KIAA1217: variants seen among roughly 807,000 people sequenced by gnomAD.
KIAA1217 encodes the protein KIAA1217.
In KIAA1217, 88 loss-of-function variants were observed where a neutral mutation model predicts 163.9. The observed-to-expected ratio is 0.54, with a 90% CI of 0.45 to 0.64. The LOEUF (loss-of-function observed/expected upper bound fraction) is 0.64. Ranked by LOEUF, KIAA1217 falls within the 30% of genes least tolerant of loss-of-function variation. The pLI is 0.00. For synonymous variants in KIAA1217, 903 were observed against 923.1 expected, an observed-to-expected ratio of 0.98 and a Z score of 0.39; for missense variants, 2,372 against 2,475.0, an observed-to-expected ratio of 0.96 and a Z score of 0.88.
intron 2 of KIAA1217, among the ~76,000 whole-genome samples, chr10:24,162,885 C>A (rs548256024): frequency 6.6e-6 from 1 of 152,270 alleles, no homozygotes; most frequent in South Asian, 2.1e-4. Context: ...GCTATGTGGG[C>A]CTTTCCAAAG....
intron 1 of KIAA1217, among the ~76,000 whole-genome samples, chr10:23,731,252 T>G (rs553543969): frequency 1.3e-5 from 2 of 152,100 alleles, no homozygotes; most frequent in African/African-American, 4.8e-5. Flanking sequence ...ATATACATAC[T>G]CAATAAGCCA....
At chr10:24,296,475 G>A (rs1300205783) in intron 2 of KIAA1217, among the ~76,000 whole-genome samples, 2 of 152,136 alleles carry the variant, frequency 1.3e-5, no homozygotes, top group Non-Finnish European at 2.9e-5. Flanking sequence ...TTCTGGCTTT[G>A]TACATTGCAC....
intron 2 of KIAA1217, among the ~76,000 whole-genome samples, chr10:24,193,824 A>ACC (rs1015738137): frequency 2.6e-5 from 4 of 151,130 alleles, no homozygotes; most frequent in Non-Finnish European, 5.9e-5. Flanking sequence ...ACACACACAC[A>ACC]CACACACACA....
chr10:23,704,281 A>T (rs1044303296), intron 1 of KIAA1217, among the ~76,000 whole-genome samples: 2 of 145,316 alleles, frequency 1.4e-5, no homozygotes, highest in South Asian at 2.2e-4. Flanking sequence ...TTCTTTTTTA[A>T]AAAACAGCTT....
chr10:23,880,728 C>G (rs1384437186), intron 1 of KIAA1217, among the ~76,000 whole-genome samples: 1 of 151,892 alleles, frequency 6.6e-6, no homozygotes, highest in Non-Finnish European at 1.5e-5. Flanking sequence ...AATATATACT[C>G]TTACCATGTA....
rs139229716 is a variant in KIAA1217 at position 24,380,884 on chromosome 10, C to T, written c.370C>T (p.Leu124=). The part of the protein sequence containing the change: ...RLRDQTRSPK[L]SHSPQPPSLG... ...CCTTTTGCAGACAAGGAGCCCCAAA[C>T]TGTCTCACAGTCCTCAACCACCCAG... The change falls in exon 3 of 21, where the codon CTG becomes TTG. Residue 124 remains leucine (L), a synonymous_variant. Transcript: ENST00000376454. The T allele has an allele frequency of 3.2e-6, 5 of 1,538,588 alleles. No individual in the cohort carries two copies. The highest frequency in any genetic ancestry group is 4.4e-6 in the Non-Finnish European group (5 of 1,140,676).
chr10:24,212,966 C>A (rs1218112492), intron 1 of KIAA1217, among the ~76,000 whole-genome samples: 1 of 152,122 alleles, frequency 6.6e-6, no homozygotes, highest in Non-Finnish European at 1.5e-5. Flanking sequence ...GATAAGGATC[C>A]CTAGGGTGAT....
intron 2 of KIAA1217, among the ~76,000 whole-genome samples, chr10:24,361,982 C>CAAAAAAAAAAAAAAAAAAAAAAAA (rs68117028): frequency 9.9e-6 from 1 of 100,572 alleles, no homozygotes; most frequent in African/African-American, 3.8e-5. Flanking sequence ...GACTCTGTCT[C>CAAAAAAAAAAAAAAAAAAAAAAAA]AAAAAAAAAA....
intron 1 of KIAA1217, among the ~76,000 whole-genome samples, chr10:23,922,791 G>T (rs1288069622): frequency 1.3e-5 from 2 of 152,110 alleles, no homozygotes; most frequent in African/African-American, 2.4e-5. Flanking sequence ...AGAAAATGTT[G>T]CTAAGGAACA....
intron 1 of KIAA1217, among the ~76,000 whole-genome samples, chr10:23,779,610 T>G (rs1052010908): frequency 6.6e-6 from 1 of 152,220 alleles, no homozygotes; most frequent in Non-Finnish European, 1.5e-5. Context: ...TACCCTGTCC[T>G]TTAAATGCTC....
At chr10:24,399,598 T>C (rs886733148) in intron 3 of KIAA1217, among the ~76,000 whole-genome samples, 1 of 152,230 alleles carries the variant, frequency 6.6e-6, no homozygotes, top group African/African-American at 2.4e-5. Flanking sequence ...GTTGCACTGT[T>C]CTTTTCAATT....
At chr10:24,000,038 C>A (rs1367501698) in intron 1 of KIAA1217, among the ~76,000 whole-genome samples, 1 of 152,142 alleles carries the variant, frequency 6.6e-6, no homozygotes, top group African/African-American at 2.4e-5. Context: ...TGCAGTCCAG[C>A]CTGGGTGATA....
intron 1 of KIAA1217, among the ~76,000 whole-genome samples, chr10:23,938,610 T>A (rs1413079013): frequency 6.6e-6 from 1 of 152,098 alleles, no homozygotes. Context: ...GCATAACAAC[T>A]ATTTACAGGG....
In KIAA1217 at chr10:23,759,476, G is replaced by A. The variant is rs116551888; in HGVS notation, c.-321+64242G>A. ...TAGAAGTGGAAAAGTGGGCATCCTT[G>A]CCTTGTTCCTGATCTTAGAGGAAAA... On this transcript the variant is annotated intron_variant, in intron 1 of 18. Transcript: ENST00000376462. Among the ~76,000 whole-genome samples, 455 of 152,266 alleles carry A rather than the reference G, an allele frequency of 3.0e-3. 2 individuals are homozygous for A. Among genetic ancestry groups the A allele is most frequent in the African/African-American group, 0.011 (444 of 41,552 alleles).
Position 24,458,971 on chromosome 10 carries a change from G to A in KIAA1217, c.847-14257G>A, listed in dbSNP as rs114805043. On this transcript the variant is annotated intron_variant, in intron 5 of 20. Coordinates refer to ENST00000376454, the MANE Select transcript of KIAA1217 (RefSeq NM_019590.5). ...GAGTATTCCCTGAACCAGCAGGTCA[G>A]TATCACCTGGGGACTTGTTAGAAAT... Among the ~76,000 whole-genome samples the A allele has an allele frequency of 5.2e-3, 792 of 152,252 alleles. 10 individuals are homozygous for A. Among genetic ancestry groups the A allele is most frequent in the African/African-American group, 0.018 (763 of 41,552 alleles).
intron 3 of KIAA1217, among the ~76,000 whole-genome samples, chr10:24,405,148 T>C (rs930906534): frequency 1.3e-5 from 2 of 152,162 alleles, no homozygotes; most frequent in African/African-American, 4.8e-5. Flanking sequence ...AATACATGTG[T>C]ATGTGTATCA....
chr10:24,077,575 C>G (rs531038422), intron 2 of KIAA1217, among the ~76,000 whole-genome samples: 2 of 152,316 alleles, frequency 1.3e-5, no homozygotes, highest in Admixed American at 6.5e-5. Context: ...TTTATCCAGT[C>G]TACCATTGGT....
At chr10:24,348,358 T>TAAAATGTAAC (rs56385555) in intron 2 of KIAA1217, among the ~76,000 whole-genome samples, 45 of 151,796 alleles carry the variant, frequency 3.0e-4, no homozygotes, top group African/African-American at 1.0e-3. Context: ...TAAAATGAAA[T>TAAAATGTAAC]AATTATCCTA....
At chr10:24,515,390 A>C (rs762373569) in intron 10 of KIAA1217, among the ~76,000 whole-genome samples, 7 of 152,128 alleles carry the variant, frequency 4.6e-5, no homozygotes, top group Non-Finnish European at 8.8e-5. Context: ...CTTTTTAAAA[A>C]TTGTGTTTAT....
Sources: gnomAD v4.1 joint callset for allele counts (sites outside exome capture counted in the v4.1 genomes callset) on GRCh38, gnomAD v4.1.1 for gene constraint, MANE v1.5 for transcripts, NCBI Gene and HGNC (gene_info 2026-07-23, HGNC 2026-07-21) for gene names.